BMPR1B: variants seen among roughly 807,000 people sequenced by gnomAD.
BMPR1B encodes the protein bone morphogenetic protein receptor type 1B.
Under a neutral mutation model 59.1 loss-of-function variants are expected in BMPR1B, and 12 were observed. That is an observed-to-expected ratio of 0.20 (90% CI 0.13 to 0.33). The LOEUF (loss-of-function observed/expected upper bound fraction) is 0.33. BMPR1B is among the 10% of genes least tolerant of loss of function. The pLI is 1.00. For missense variants in BMPR1B, 550 were observed against 610.9 expected (o/e 0.90, Z 1.05); for synonymous variants, 237 against 207.3 (o/e 1.14, Z -1.23).
intron 1 of BMPR1B, among the ~76,000 whole-genome samples, chr4:94,844,845 A>C (rs570681845): frequency 6.6e-6 from 1 of 152,368 alleles, no homozygotes; most frequent in East Asian, 1.9e-4. Flanking sequence ...TCAGTGAATC[A>C]TGTTTTTCAC....
At chr4:95,035,446 G>A (rs1036001183) in intron 3 of BMPR1B, among the ~76,000 whole-genome samples, 2 of 152,084 alleles carry the variant, frequency 1.3e-5, no homozygotes, top group African/African-American at 4.8e-5. Context: ...ATCTCGAGTT[G>A]ATTTTTGTGT....
At chr4:95,032,537 T>C (rs765424725) in intron 3 of BMPR1B, among the ~76,000 whole-genome samples, 10 of 152,124 alleles carry the variant, frequency 6.6e-5, no homozygotes, top group Non-Finnish European at 1.3e-4. Flanking sequence ...ATTTTCCCTC[T>C]CCTAGCTCCT....
intron 2 of BMPR1B, among the ~76,000 whole-genome samples, chr4:94,911,512 T>G (rs1266657165): frequency 6.6e-6 from 1 of 152,154 alleles, no homozygotes; most frequent in Admixed American, 6.6e-5. Flanking sequence ...TTGCAGTACA[T>G]GGGCTTTATG....
At chr4:95,069,453 T>A (rs1467172732) in intron 3 of BMPR1B, among the ~76,000 whole-genome samples, 1 of 152,214 alleles carries the variant, frequency 6.6e-6, no homozygotes, top group Admixed American at 6.5e-5. Context: ...TGCTCGACAC[T>A]CCTGTCTAGA....
intron 3 of BMPR1B, among the ~76,000 whole-genome samples, chr4:95,023,673 C>A (rs766424959): frequency 3.9e-5 from 6 of 152,150 alleles, no homozygotes; most frequent in Non-Finnish European, 4.4e-5. Flanking sequence ...AGGCATGAGC[C>A]ACCGCATGCA....
intron 1 of BMPR1B, among the ~76,000 whole-genome samples, chr4:94,833,981 C>T (rs573145049): frequency 6.6e-6 from 1 of 152,240 alleles, no homozygotes; most frequent in South Asian, 2.1e-4. Flanking sequence ...TTGAGAGCTA[C>T]CCATACGTAG....
At chr4:95,062,744 T>C (rs1560625903) in intron 3 of BMPR1B, among the ~76,000 whole-genome samples, 1 of 152,202 alleles carries the variant, frequency 6.6e-6, no homozygotes, top group African/African-American at 2.4e-5. Context: ...CCTCTAGATT[T>C]ACACATTTGA....
chr4:94,761,600 G>A (rs1721775900), intron 1 of BMPR1B, among the ~76,000 whole-genome samples: 1 of 152,010 alleles, frequency 6.6e-6, no homozygotes, highest in African/African-American at 2.4e-5. Flanking sequence ...TTCCTGGTAA[G>A]CTTTTGTTTT....
intron 3 of BMPR1B, among the ~76,000 whole-genome samples, chr4:95,008,528 G>T (rs1354542053): frequency 4.6e-5 from 7 of 152,052 alleles, no homozygotes; most frequent in Admixed American, 2.0e-4. Context: ...AGCAAATTCT[G>T]TATAGATGAA....
At chr4:94,862,979 A>C (rs2148958857) in intron 1 of BMPR1B, among the ~76,000 whole-genome samples, 1 of 143,562 alleles carries the variant, frequency 7.0e-6, no homozygotes, top group African/African-American at 2.6e-5. Context: ...TTAGCTGGGC[A>C]TGGTGGTGGG....
In BMPR1B at chr4:95,152,645, A is replaced by G; in HGVS notation, c.1255A>G (p.Ile419Val). 7 of 1,542,212 alleles carry G rather than the reference A, an allele frequency of 4.5e-6. No individual in the cohort carries two copies. Among genetic ancestry groups the G allele is most frequent in the Non-Finnish European group, 6.1e-6 (7 of 1,138,748 alleles). Residue 419 changes from isoleucine (I) to valine (V), a missense_variant and splice_region_variant, in exon 12 of 13, where the codon ATA (isoleucine) becomes GTA (valine). Transcript: ENST00000515059. ...EVARRCVSGG[I>V]VEEYQLPYHD... The stretch of plus-strand genomic sequence containing the variant: ...TAATAGTAACAACATATTTTTAGGT[A>G]TAGTGGAAGAATACCAGCTTCCTTA...
rs190892984 is a variant in BMPR1B at position 95,061,973 on chromosome 4, C to T, written c.-17-42435C>T. Among the ~76,000 whole-genome samples the T allele has an allele frequency of 3.0e-4, 46 of 152,200 alleles. 1 individual carries two copies. The highest frequency in any genetic ancestry group is 2.6e-3 in the Admixed American group (39 of 15,268). Reference sequence around the variant, plus strand: ...GGTTTAAAAGTGTGTGGCACTTCCCCATTCACTCACTGTCTCTCCTGCCGT... The same window carrying T: ...GGTTTAAAAGTGTGTGGCACTTCCCTATTCACTCACTGTCTCTCCTGCCGT... On this transcript the variant is annotated intron_variant, in intron 3 of 12. Coordinates refer to ENST00000515059, the MANE Select transcript of BMPR1B (RefSeq NM_001203.3).
chr4:95,094,596 C>G (rs1730230684), intron 3 of BMPR1B, among the ~76,000 whole-genome samples: 1 of 152,086 alleles, frequency 6.6e-6, no homozygotes, highest in Non-Finnish European at 1.5e-5. Context: ...GTGGATTTCT[C>G]CTCCACCCCA....
intron 3 of BMPR1B, among the ~76,000 whole-genome samples, chr4:95,070,122 A>G (rs911947299): frequency 2.6e-5 from 4 of 152,110 alleles, no homozygotes; most frequent in African/African-American, 7.2e-5. Flanking sequence ...CAAAACAAAC[A>G]AACAAACAAA....
In BMPR1B at chr4:94,809,902, T is replaced by C. The variant is rs747418667; in HGVS notation, c.-183+51834T>C. ...GAGAGGCCTTAGATGGCAGTTGTGA[T>C]TTCACTCTAGAATCTGAATTCTTAG... On this transcript the variant is annotated intron_variant, in intron 1 of 12. Transcript: ENST00000515059. 1.7e-4 allele frequency among the ~76,000 whole-genome samples: 26 copies of C among 152,344 alleles called. No homozygotes were observed. The Middle Eastern group carries it at 0.01, about 60-fold the overall frequency.
intron 1 of BMPR1B, among the ~76,000 whole-genome samples, chr4:94,766,264 A>G (rs1721963085): frequency 6.6e-6 from 1 of 152,128 alleles, no homozygotes; most frequent in Non-Finnish European, 1.5e-5. Context: ...GTTCCTCAGA[A>G]CTATGGGAAA....
chr4:95,086,931 T>TTCTAAATG lies in BMPR1B; in HGVS notation c.-17-17475_-17-17468dup, dbSNP rs1423689470. Among the ~76,000 whole-genome samples the TTCTAAATG allele has an allele frequency of 3.9e-5, 6 of 152,012 alleles. No individual in the cohort carries two copies. The East Asian group carries it at 1.2e-3, about 29-fold the overall frequency. ...TTTTCTGGCAAGTAGGAAAAATAAA[T>TTCTAAATG]TCTAAATGTTGTGTTTTACCTATAT... On this transcript the variant is annotated intron_variant, in intron 3 of 12. Transcript: ENST00000515059.
intron 2 of BMPR1B, among the ~76,000 whole-genome samples, chr4:94,886,629 C>T (rs752961369): frequency 6.6e-6 from 1 of 152,194 alleles, no homozygotes; most frequent in Non-Finnish European, 1.5e-5. Context: ...CAAATCTCCT[C>T]CCCAATGGAT....
chr4:95,139,763 C>A (rs974639929), intron 10 of BMPR1B, among the ~76,000 whole-genome samples: 1 of 152,128 alleles, frequency 6.6e-6, no homozygotes, highest in South Asian at 2.1e-4. Flanking sequence ...CCTGGTGTGC[C>A]GTTTGCTAAG....
Sources: allele counts gnomAD v4.1 joint callset (sites outside exome capture counted in the v4.1 genomes callset), GRCh38; gene constraint gnomAD v4.1.1; transcripts MANE v1.5; gene names NCBI Gene and HGNC (gene_info 2026-07-23, HGNC 2026-07-21).